PAOX: variants seen among roughly 807,000 people sequenced by gnomAD.
PAOX encodes the protein polyamine oxidase, also known as peroxisomal N(1)-acetyl-spermine/spermidine oxidase.
Under a neutral mutation model 39.0 loss-of-function variants are expected in PAOX, and 38 were observed. The ratio of observed to expected loss-of-function variants is 0.97; its 90% CI spans 0.75 to 1.28. PAOX has a LOEUF of 1.28. Among genes scored for constraint, PAOX ranks in the 50% most tolerant of loss-of-function variants. The pLI is 0.00. For synonymous variants in PAOX, 311 were observed against 314.4 expected, an observed-to-expected ratio of 0.99 and a Z score of 0.11; for missense variants, 667 against 685.7, an observed-to-expected ratio of 0.97 and a Z score of 0.30.
At position 133,384,933 on chromosome 10, in the gene PAOX, T is replaced by G. The variant is rs1849492698; in HGVS notation, c.1121+721T>G. Among the ~76,000 whole-genome samples, 2 of 152,216 alleles carry G rather than the reference T, an allele frequency of 1.3e-5. No homozygotes were observed. Among genetic ancestry groups the G allele is most frequent in the South Asian group, 4.1e-4 (2 of 4,832 alleles). On this transcript the variant is annotated intron_variant, in intron 4 of 6. Coordinates refer to ENST00000278060, the MANE Select transcript of PAOX (RefSeq NM_152911.4). This position sits in a 1 kb window ranked among gnomAD's most constrained non-coding sequence, Gnocchi z 4.3. Reference sequence around the variant, plus strand: ...TTGCCATCCACTGGGAGCAGGAGGCTGCAGGCTGCAGACCAGCCCTGCACC... The same window carrying G: ...TTGCCATCCACTGGGAGCAGGAGGCGGCAGGCTGCAGACCAGCCCTGCACC...
intron 1 of PAOX, chr10:133,379,705 C>G (rs1010697489): frequency 1.3e-5 from 7 of 544,250 alleles, no homozygotes; most frequent in Non-Finnish European, 2.0e-5. Flanking sequence ...GGAAGGCGAC[C>G]TACGGCTCCA....
chr10:133,389,336 G>A (rs536783458), intron 5 of PAOX, among the ~76,000 whole-genome samples: 2 of 152,302 alleles, frequency 1.3e-5, no homozygotes, highest in South Asian at 2.1e-4. Context: ...CCCAAGGCTC[G>A]GAAACAGTAG....
chr10:133,382,835 T>A (rs1487928780), intron 3 of PAOX: 1 of 150,528 alleles, frequency 6.6e-6, no homozygotes, highest in Non-Finnish European at 1.5e-5. Flanking sequence ...TTTTGTTTTT[T>A]GTTTTTTTCT....
intron 5 of PAOX, 92 bp downstream of exon 5, chr10:133,389,160 T>A: frequency 3.8e-6 from 4 of 1,048,728 alleles, no homozygotes; most frequent in Non-Finnish European, 4.5e-6. Context: ...AGAGAAAAAC[T>A]AAATTTGGCT....
chr10:133,389,153 G>T, intron 5 of PAOX, 85 bp downstream of exon 5: 1 of 1,157,998 alleles, frequency 8.6e-7, no homozygotes, highest in Non-Finnish European at 1.3e-6. Flanking sequence ...GCAGAACAGA[G>T]AAAAACTAAA....
Position 133,389,749 on chromosome 10 carries a change from T to C in PAOX, c.1392+2T>C. 6.6e-7 allele frequency: 1 copy of C among 1,515,858 alleles called. No homozygotes were observed. Among genetic ancestry groups the C allele is most frequent in the Non-Finnish European group, 8.8e-7 (1 of 1,132,264 alleles). 93.9% of individuals were successfully genotyped at this position (1,515,858 alleles called of 1,614,324 possible). A position where few individuals can be genotyped will look rare whatever the true frequency, so the allele number is the denominator to read the frequency against. ...CCTGCAGACGGCGCCGGCGCCCAGG[T>C]ATGTGGCGTGCCCCAGTCGGGGGGC... is the stretch of plus-strand genomic sequence containing the variant. On this transcript the variant is annotated splice_donor_variant, in intron 6 of 6. Coordinates refer to ENST00000278060, the MANE Select transcript of PAOX (RefSeq NM_152911.4). LOFTEE classifies it high-confidence loss of function.
In PAOX at chr10:133,380,555, T is replaced by G. The variant is rs1033940132; in HGVS notation, c.668+70T>G. ...CCCAGGGCACCGGGGCTGGCTGAGC[T>G]CCGCTCTTGCTTGGGTATGGGAGGG... is the stretch of plus-strand genomic sequence containing the variant. On this transcript the variant is annotated intron_variant, in intron 2 of 6. Transcript: ENST00000278060. The G allele has an allele frequency of 2.0e-6, 3 of 1,492,690 alleles. No individual in the cohort carries two copies. The African/African-American group carries it at 4.1e-5, about 21-fold the overall frequency. 92.5% of individuals were successfully genotyped at this position (1,492,690 alleles called of 1,614,324 possible).
At chr10:133,387,641 C>T (rs1323942076) in intron 4 of PAOX, among the ~76,000 whole-genome samples, 6 of 152,240 alleles carry the variant, frequency 3.9e-5, no homozygotes, top group Non-Finnish European at 7.3e-5. Flanking sequence ...CCTGGAATAG[C>T]GTGTGCTAGG....
At chr10:133,383,846 T>A (rs1849462005) in intron 3 of PAOX, 114 bp from the exon 4 acceptor site, 1 of 1,340,752 alleles carries the variant, frequency 7.5e-7, no homozygotes, top group African/African-American at 1.5e-5. Context: ...CTTGTGTGAA[T>A]GTGTCTGTAG....
chr10:133,379,654 G>A (rs1279841718), intron 1 of PAOX, 157 bp downstream of exon 1: 2 of 656,268 alleles, frequency 3.0e-6, no homozygotes, highest in African/African-American at 1.9e-5. Flanking sequence ...TCACCGCCCC[G>A]AAACTCAGGG....
intron 1 of PAOX, chr10:133,379,776 C>A: frequency 1.8e-6 from 1 of 568,166 alleles, no homozygotes; most frequent in South Asian, 5.4e-5. Flanking sequence ...GCCCACCCTG[C>A]GCCCCTCCCT....
In PAOX at chr10:133,379,456, C is replaced by T; in HGVS notation, c.140C>T (p.Thr47Met). The stretch of plus-strand genomic sequence containing the variant: ...CCGCACCTGCGGGTCCTGGAGGCCA[C>T]GGCCCGCGCCGGGGGCCGCATCCGC... Reference protein sequence around the residue: ...AFPHLRVLEATARAGGRIRSE... With the variant: ...AFPHLRVLEAMARAGGRIRSE... Residue 47 changes from threonine (T) to methionine (M), a missense_variant, in exon 1 of 7, where the codon ACG (threonine) becomes ATG (methionine). Thr to Met is a moderately conservative substitution (Grantham distance 81). Transcript: ENST00000278060. The T allele has an allele frequency of 8.2e-7, 1 of 1,225,348 alleles. No homozygotes were observed. The highest frequency in any genetic ancestry group is 1.0e-6 in the Non-Finnish European group (1 of 983,968). 75.9% of individuals were successfully genotyped at this position (1,225,348 alleles called of 1,614,324 possible). A position where few individuals can be genotyped will look rare whatever the true frequency, so the allele number is the denominator to read the frequency against.
chr10:133,389,228 C>G (rs1169416243), intron 5 of PAOX, among the ~76,000 whole-genome samples, 160 bp downstream of exon 5: 1 of 152,226 alleles, frequency 6.6e-6, no homozygotes, highest in Non-Finnish European at 1.5e-5. Flanking sequence ...AGTAACAGTT[C>G]TTACCTCCGA....
rs912422190 is a variant in PAOX, at chr10:133,389,708, G to A, written c.1353G>A (p.Leu451=). ...AVGSTGGDLD[L]LAQPLPADGA... ...GCAGTACTGGGGGCGACCTGGACCT[G>A]CTGGCTCAGCCCCTCCCTGCAGACG... Residue 451 remains leucine, a synonymous_variant, in exon 6 of 7, where the codon CTG becomes CTA. Coordinates refer to ENST00000278060, the MANE Select transcript of PAOX (RefSeq NM_152911.4). 1 of 1,589,132 alleles carries A rather than the reference G, an allele frequency of 6.3e-7. No homozygotes were observed. The highest frequency in any genetic ancestry group is 8.6e-7 in the Non-Finnish European group (1 of 1,165,092).
intron 4 of PAOX, among the ~76,000 whole-genome samples, chr10:133,387,800 A>C (rs894041186): frequency 5.9e-5 from 9 of 152,176 alleles, no homozygotes; most frequent in African/African-American, 2.2e-4. Flanking sequence ...GGCTCACCGC[A>C]ACCTCCACCT....
At chr10:133,390,631 T>A (rs1849649892) in intron 6 of PAOX, among the ~76,000 whole-genome samples, 1 of 152,190 alleles carries the variant, frequency 6.6e-6, no homozygotes, top group Non-Finnish European at 1.5e-5. Context: ...CACTTAAAAA[T>A]TAATAATCAT....
chr10:133,379,349 G>A lies in PAOX; in HGVS notation c.33G>A (p.Pro11=). 1.6e-6 allele frequency: 2 copies of A among 1,218,502 alleles called. No individual in the cohort carries two copies. The highest frequency in any genetic ancestry group is 2.0e-6 in the Non-Finnish European group (2 of 979,616). 75.5% of individuals were successfully genotyped at this position (1,218,502 alleles called of 1,614,324 possible). Residue 11 remains proline (P), a synonymous_variant, in exon 1 of 7, where the codon CCG becomes CCA. Coordinates refer to ENST00000278060, the MANE Select transcript of PAOX (RefSeq NM_152911.4). MESTGSVGEA[P]GGPRVLVVGG... ...CGACCGGCAGCGTCGGGGAGGCCCCGGGCGGACCCCGGGTGCTGGTGGTGG... is the reference window on the plus strand; with the variant it reads ...CGACCGGCAGCGTCGGGGAGGCCCCAGGCGGACCCCGGGTGCTGGTGGTGG...
chr10:133,379,746 C>A (rs943806829), intron 1 of PAOX: 19 of 523,928 alleles, frequency 3.6e-5, no homozygotes, highest in Admixed American at 7.7e-5. Flanking sequence ...CCCACGGGGG[C>A]CCCCCCAGCC....
chr10:133,389,618 C>A lies in PAOX; in HGVS notation c.1263C>A (p.Ser421Arg), dbSNP rs370938853. The change falls in exon 6 of 7, where the codon AGC becomes AGA. Residue 421 changes from serine (S) to arginine (R), a missense_variant. Transcript: ENST00000278060. ...ACCCACGGCTCCCCGCGCCCAAGAG[C>A]GTCCTGCGGTCTCGCTGGCACAGCG... ...TGNPRLPAPK[S>R]VLRSRWHSAP... 1.9e-6 allele frequency: 3 copies of A among 1,613,686 alleles called. No individual in the cohort carries two copies. Among genetic ancestry groups the A allele is most frequent in the East Asian group, 2.2e-5 (1 of 44,890 alleles).
Sources: allele counts gnomAD v4.1 joint callset (sites outside exome capture counted in the v4.1 genomes callset), GRCh38; gene constraint gnomAD v4.1.1; non-coding constraint Gnocchi (gnomAD v3.1); transcripts MANE v1.5; gene names NCBI Gene and HGNC (gene_info 2026-07-23, HGNC 2026-07-21).